The following CENPN variants were observed in gnomAD, a reference collection of about 807,000 sequenced individuals.
CENPN encodes interphase centromere complex protein 32.
A neutral mutation model predicts 48.6 loss-of-function variants in CENPN; 36 were observed. That is an observed-to-expected ratio of 0.74 (90% CI 0.57 to 0.98). The LOEUF (loss-of-function observed/expected upper bound fraction) is 0.98. Ranked by LOEUF, CENPN falls within the 50% of genes least tolerant of loss-of-function variation. The pLI is 0.00. For missense variants in CENPN, 439 were observed against 399.2 expected (o/e 1.10, Z -0.85); for synonymous variants, 166 against 135.2 (o/e 1.23, Z -1.58).
At chr16:81,013,297 A>C (rs1038154660) in intron 2 of CENPN, among the ~76,000 whole-genome samples, 5 of 152,270 alleles carry the variant, frequency 3.3e-5, no homozygotes, top group African/African-American at 1.2e-4. Flanking sequence ...CACTTATGTT[A>C]ACATTCATAT....
At chr16:81,022,941 G>A (rs1159382365) in intron 7 of CENPN, 1 of 1,476,932 alleles carries the variant, frequency 6.8e-7, no homozygotes, top group African/African-American at 1.4e-5. Flanking sequence ...GTAGATCTCA[G>A]CTTCCAAATC....
downstream of CENPN, among the ~76,000 whole-genome samples, chr16:81,031,881 G>T (rs1970793893): frequency 3.9e-5 from 6 of 152,188 alleles, no homozygotes; most frequent in Admixed American, 3.9e-4. Flanking sequence ...GGGATTACAG[G>T]TGTGAGCCTC....
chr16:81,028,807 T>C lies in CENPN; in HGVS notation c.*156T>C. 7.1e-7 allele frequency: 1 copy of C among 1,412,644 alleles called. No individual in the cohort carries two copies. The highest frequency in any genetic ancestry group is 9.2e-7 in the Non-Finnish European group (1 of 1,088,530). The allele number at this position is 1,412,644 out of a possible 1,614,324, so 87.5% of individuals were successfully genotyped here. On this transcript the variant is annotated 3_prime_UTR_variant, in exon 11 of 11. Coordinates refer to ENST00000305850, the MANE Select transcript of CENPN (RefSeq NM_001100624.3). Reference sequence around the variant, plus strand: ...ATGCTCACATAATTGTTGGGACTGATTCATTCCTCCACGATATGCCTCCTC... The same window carrying C: ...ATGCTCACATAATTGTTGGGACTGACTCATTCCTCCACGATATGCCTCCTC...
intron 8 of CENPN, among the ~76,000 whole-genome samples, chr16:81,025,074 T>C (rs1970403740): frequency 6.6e-6 from 1 of 152,262 alleles, no homozygotes; most frequent in African/African-American, 2.4e-5. Flanking sequence ...ATATGTATTC[T>C]TTCCTTAATC....
chr16:81,016,823 G>C (rs1157967882), intron 3 of CENPN: 1 of 160,478 alleles, frequency 6.2e-6, no homozygotes, highest in Non-Finnish European at 1.3e-5. Context: ...ACATCAGGTA[G>C]TGATGAGTCC....
chr16:81,019,190 ATCT>A (rs1010759121), intron 5 of CENPN, among the ~76,000 whole-genome samples: 12 of 152,048 alleles, frequency 7.9e-5, no homozygotes, highest in Non-Finnish European at 1.5e-4. Context: ...TGACATAGAA[ATCT>A]TCTTTTTCTT....
rs570246930 is a variant in CENPN, at chr16:81,011,404, G to C, written c.-10-526G>C. Among the ~76,000 whole-genome samples the C allele has an allele frequency of 3.3e-5, 5 of 152,274 alleles. No homozygotes were observed. In the South Asian group the frequency reaches 1.0e-3, roughly 32 times the overall value. On this transcript the variant is annotated intron_variant, in intron 1 of 10. Coordinates refer to ENST00000305850, the MANE Select transcript of CENPN (RefSeq NM_001100624.3). ...AGAATGGATGTGCCATACTGGAACA[G>C]ATGTTTGTCTTTTTGGCCAAAGACA...
chr16:81,031,753 C>CG (rs1970788675), downstream of CENPN, among the ~76,000 whole-genome samples: 2 of 152,168 alleles, frequency 1.3e-5, no homozygotes, highest in Non-Finnish European at 2.9e-5. Context: ...CAGGCACGTG[C>CG]CACCATGCCC....
rs751571041 is a variant in CENPN, at chr16:81,017,849, C to A, written c.354+15C>A. 1.4e-6 allele frequency: 2 copies of A among 1,397,702 alleles called. No individual in the cohort carries two copies. Among genetic ancestry groups the A allele is most frequent in the South Asian group, 2.5e-5 (2 of 80,358 alleles). 86.6% of individuals were successfully genotyped at this position (1,397,702 alleles called of 1,614,324 possible). A position where few individuals can be genotyped will look rare whatever the true frequency, so the allele number is the denominator to read the frequency against. ...CATTAAAAAATGTAAGAATAAAATT[C>A]ATCTTTTACATAAAATTCAATGTCA... On this transcript the variant is annotated intron_variant, in intron 5 of 10. Coordinates refer to ENST00000305850, the MANE Select transcript of CENPN (RefSeq NM_001100624.3).
intron 6 of CENPN, chr16:81,022,390 CA>C: frequency 3.9e-6 from 2 of 507,672 alleles, no homozygotes. Context: ...AGAAATGATA[CA>C]AAAGACTGCA....
intron 7 of CENPN, chr16:81,023,149 T>A: frequency 2.9e-6 from 1 of 344,296 alleles, no homozygotes; most frequent in Non-Finnish European, 5.5e-6. Flanking sequence ...TAAAATAATT[T>A]GAATGTAATG....
chr16:81,021,166 G>T (rs1414354774), intron 6 of CENPN, among the ~76,000 whole-genome samples: 2 of 150,698 alleles, frequency 1.3e-5, no homozygotes, highest in Admixed American at 1.3e-4. Flanking sequence ...TTTCATAATT[G>T]TATAATTTGC....
At chr16:81,017,715 G>T (rs1285293799) in intron 4 of CENPN, 43 bp from the exon 5 acceptor site, 2 of 1,346,036 alleles carry the variant, frequency 1.5e-6, no homozygotes, top group Non-Finnish European at 2.1e-6. Flanking sequence ...TGAAGACATT[G>T]TAGCTCCCTT....
Position 81,030,456 on chromosome 16 carries a change from A to T in CENPN, c.*1805A>T. 1.0e-6 allele frequency: 1 copy of T among 962,008 alleles called. No individual in the cohort carries two copies. Among genetic ancestry groups the T allele is most frequent in the Non-Finnish European group, 1.2e-6 (1 of 808,662 alleles). The allele number at this position is 962,008 out of a possible 1,614,324, so 59.6% of individuals were successfully genotyped here. On this transcript the variant is annotated 3_prime_UTR_variant, in exon 11 of 11. Transcript: ENST00000305850. ...GTGTGAAACATGATATAGAAAAATGACTTCACTCTGGGCCGGGTGTAGTGG... is the reference window on the plus strand; with the variant it reads ...GTGTGAAACATGATATAGAAAAATGTCTTCACTCTGGGCCGGGTGTAGTGG...
intron 8 of CENPN, among the ~76,000 whole-genome samples, chr16:81,025,640 G>A (rs1287498565): frequency 6.6e-6 from 1 of 150,996 alleles, no homozygotes; most frequent in Non-Finnish European, 1.5e-5. Flanking sequence ...GGAAGATCAC[G>A]AGCCCAAGAG....
rs1254228769 is a variant in CENPN, at chr16:81,030,461, A to G, written c.*1810A>G. 1 of 950,358 alleles carries G rather than the reference A, an allele frequency of 1.1e-6. No individual in the cohort carries two copies. Among genetic ancestry groups the G allele is most frequent in the African/African-American group, 1.8e-5 (1 of 56,434 alleles). The allele number at this position is 950,358 out of a possible 1,614,324, so 58.9% of individuals were successfully genotyped here. A position where few individuals can be genotyped will look rare whatever the true frequency, so the allele number is the denominator to read the frequency against. On this transcript the variant is annotated 3_prime_UTR_variant, in exon 11 of 11. Coordinates refer to ENST00000305850, the MANE Select transcript of CENPN (RefSeq NM_001100624.3). The stretch of plus-strand genomic sequence containing the variant: ...AAACATGATATAGAAAAATGACTTC[A>G]CTCTGGGCCGGGTGTAGTGGCTCAC...
chr16:81,009,485 C>G (rs1299110643), intron 1 of CENPN, among the ~76,000 whole-genome samples: 1 of 152,162 alleles, frequency 6.6e-6, no homozygotes, highest in Non-Finnish European at 1.5e-5. Flanking sequence ...GCCTTGTAGA[C>G]CATGGTGAAG....
At chr16:81,020,676 C>A (rs897210471) in intron 6 of CENPN, among the ~76,000 whole-genome samples, 1 of 152,006 alleles carries the variant, frequency 6.6e-6, no homozygotes, top group African/African-American at 2.4e-5. Flanking sequence ...AAAATGCAAC[C>A]GATACAGAAG....
intron 5 of CENPN, among the ~76,000 whole-genome samples, chr16:81,019,350 G>A (rs1276087547): frequency 6.6e-6 from 1 of 151,340 alleles, no homozygotes; most frequent in African/African-American, 2.4e-5. Context: ...TTGAGTAGCT[G>A]GGACTATAGG....
Sources: gnomAD v4.1 joint callset for allele counts (sites outside exome capture counted in the v4.1 genomes callset) on GRCh38, gnomAD v4.1.1 for gene constraint, MANE v1.5 for transcripts, NCBI Gene and HGNC (gene_info 2026-07-23, HGNC 2026-07-21) for gene names.